The following TBCK variants were observed in gnomAD, a reference collection of about 807,000 sequenced individuals.
The protein encoded by TBCK is TBC1 domain containing kinase.
Under a neutral mutation model 113.4 loss-of-function variants are expected in TBCK, and 99 were observed. The ratio of observed to expected loss-of-function variants is 0.87; its 90% CI spans 0.74 to 1.03. The LOEUF is 1.03. Ranked by LOEUF, TBCK falls within the 50% of genes least tolerant of loss-of-function variation. TBCK has a pLI of 0.00. For synonymous variants in TBCK, 369 were observed against 370.8 expected, an observed-to-expected ratio of 1.00 and a Z score of 0.05; for missense variants, 1,045 against 1,061.3, an observed-to-expected ratio of 0.98 and a Z score of 0.21.
At position 106,193,757 on chromosome 4, in the gene TBCK, T is replaced by C. The variant is rs753627391; in HGVS notation, c.1911A>G (p.Leu637=). 2 of 1,573,326 alleles carry C rather than the reference T, an allele frequency of 1.3e-6. No homozygotes were observed. Among genetic ancestry groups the C allele is most frequent in the South Asian group, 1.2e-5 (1 of 84,472 alleles). Residue 637 remains leucine, a synonymous_variant, in exon 22 of 26, where the codon CTA becomes CTG. Transcript: ENST00000394708. ...FLTMFTHVFP[L]HKIFHLWDTL... is the part of the protein sequence containing the mutation. ...TATCCCAGAGGTGGAAAATTTTGTG[T>C]AGTGGAAATACATCTGTAAAACGAT...
chr4:106,191,308 G>C (rs1472992922), intron 22 of TBCK, among the ~76,000 whole-genome samples: 1 of 152,138 alleles, frequency 6.6e-6, no homozygotes, highest in African/African-American at 2.4e-5. Context: ...GATACCGGGG[G>C]ATGACTGAAC....
At position 106,262,152 on chromosome 4, in the gene TBCK, T is replaced by C; in HGVS notation, c.327A>G (p.Lys109=). 1 of 1,548,868 alleles carries C rather than the reference T, an allele frequency of 6.5e-7. No individual in the cohort carries two copies. The highest frequency in any genetic ancestry group is 1.2e-5 in the South Asian group (1 of 83,886). The stretch of plus-strand genomic sequence containing the variant: ...ACAATGCCCTGTGTACTATACCATG[T>C]TTGTTCATATACTGCAAGCCCTGAA... ...EVLQGLQYMN[K]HGIVHRALSP... is the part of the protein sequence containing the mutation. The change falls in exon 4 of 26, where the codon AAA becomes AAG. Residue 109 remains lysine (K), a synonymous_variant. Coordinates refer to ENST00000394708, the MANE Select transcript of TBCK (RefSeq NM_001163435.3).
At chr4:106,097,001 A>T (rs1328385504) in intron 24 of TBCK, among the ~76,000 whole-genome samples, 1 of 152,216 alleles carries the variant, frequency 6.6e-6, no homozygotes, top group Non-Finnish European at 1.5e-5. Flanking sequence ...AACTATATCT[A>T]TAATCATAGA....
intron 19 of TBCK, among the ~76,000 whole-genome samples, chr4:106,220,320 C>T (rs780182388): frequency 6.6e-6 from 1 of 152,124 alleles, no homozygotes; most frequent in East Asian, 1.9e-4. Flanking sequence ...CTTCTCCTGC[C>T]GCTGCCATGT....
chr4:106,229,795 T>C (rs145469708), intron 19 of TBCK, among the ~76,000 whole-genome samples: 1 of 151,990 alleles, frequency 6.6e-6, no homozygotes, highest in Non-Finnish European at 1.5e-5. Flanking sequence ...TTAACTTCTA[T>C]TCTATTACTT....
intron 22 of TBCK, among the ~76,000 whole-genome samples, chr4:106,183,342 A>G (rs1752622761): frequency 6.6e-6 from 1 of 151,762 alleles, no homozygotes; most frequent in Non-Finnish European, 1.5e-5. Flanking sequence ...TCCTCTACCT[A>G]TTTTACCAAC....
chr4:106,241,499 T>C (rs1029618114), intron 12 of TBCK, among the ~76,000 whole-genome samples: 9 of 151,864 alleles, frequency 5.9e-5, no homozygotes, highest in Non-Finnish European at 1.3e-4. Context: ...ACAGTTCACA[T>C]AAAACTACAG....
intron 25 of TBCK, among the ~76,000 whole-genome samples, chr4:106,069,032 T>C (rs1011177141): frequency 1.1e-4 from 17 of 152,214 alleles, no homozygotes; most frequent in African/African-American, 4.1e-4. Context: ...TCTTTATAGA[T>C]TCCGGATATT....
At chr4:106,197,282 T>C (rs551766111) in intron 20 of TBCK, among the ~76,000 whole-genome samples, 4 of 151,256 alleles carry the variant, frequency 2.6e-5, no homozygotes, top group South Asian at 4.2e-4. Flanking sequence ...GAGAGATGCA[T>C]AGAGAAAGCT....
chr4:106,232,397 C>A (rs1758958641), intron 17 of TBCK, among the ~76,000 whole-genome samples: 1 of 150,906 alleles, frequency 6.6e-6, no homozygotes, highest in Admixed American at 6.6e-5. Flanking sequence ...ATAAAAGTAG[C>A]CACTTATAAC....
At chr4:106,123,113 A>G (rs897460002) in intron 23 of TBCK, among the ~76,000 whole-genome samples, 1 of 152,218 alleles carries the variant, frequency 6.6e-6, no homozygotes, top group Non-Finnish European at 1.5e-5. Flanking sequence ...ACATGAGTGT[A>G]TATCTAGAAA....
intron 24 of TBCK, among the ~76,000 whole-genome samples, chr4:106,102,058 A>G (rs1741617643): frequency 6.6e-6 from 1 of 152,220 alleles, no homozygotes; most frequent in Non-Finnish European, 1.5e-5. Context: ...TCATGTTTCT[A>G]TCTTCTAAAA....
intron 25 of TBCK, among the ~76,000 whole-genome samples, chr4:106,079,412 A>G (rs60782919): frequency 0.041 from 6,281 of 152,304 alleles, 438 homozygotes; most frequent in African/African-American, 0.14. Flanking sequence ...ATGATTGTAT[A>G]CCTAGAAAAC....
chr4:106,067,256 T>C (rs1242628478), intron 25 of TBCK, among the ~76,000 whole-genome samples: 1 of 152,158 alleles, frequency 6.6e-6, no homozygotes, highest in Non-Finnish European at 1.5e-5. Flanking sequence ...TTCCATGTGC[T>C]TATTGGCCAT....
chr4:106,093,258 G>C (rs1055300305), intron 25 of TBCK, among the ~76,000 whole-genome samples: 3 of 152,190 alleles, frequency 2.0e-5, no homozygotes, highest in Non-Finnish European at 4.4e-5. Context: ...TGTAATCCCA[G>C]CACTTTGGGA....
At chr4:106,106,113 T>G (rs982508110) in intron 24 of TBCK, among the ~76,000 whole-genome samples, 4 of 150,726 alleles carry the variant, frequency 2.7e-5, no homozygotes, top group Admixed American at 2.0e-4. Flanking sequence ...TAAAAAGGAA[T>G]GAACAAAGCC....
At chr4:106,147,163 T>C (rs996876314) in intron 23 of TBCK, among the ~76,000 whole-genome samples, 1 of 152,198 alleles carries the variant, frequency 6.6e-6, no homozygotes, top group Non-Finnish European at 1.5e-5. Flanking sequence ...CTCAAAGTTA[T>C]CAATGAGGGT....
intron 23 of TBCK, among the ~76,000 whole-genome samples, chr4:106,128,479 C>T (rs1306924089): frequency 6.6e-6 from 1 of 152,084 alleles, no homozygotes; most frequent in Non-Finnish European, 1.5e-5. Context: ...ACAACATACA[C>T]ACAACAAAAT....
At chr4:106,313,435 T>A (rs1768402238) in intron 1 of TBCK, among the ~76,000 whole-genome samples, 2 of 152,190 alleles carry the variant, frequency 1.3e-5, no homozygotes, top group Admixed American at 1.3e-4. Context: ...GAAAATACTT[T>A]TGATTCTATA....
Sources: allele counts gnomAD v4.1 joint callset (sites outside exome capture counted in the v4.1 genomes callset), GRCh38; gene constraint gnomAD v4.1.1; transcripts MANE v1.5; gene names NCBI Gene and HGNC (gene_info 2026-07-23, HGNC 2026-07-21).